The following SLC17A4 variants were observed in gnomAD, a reference collection of about 807,000 sequenced individuals.
The protein encoded by SLC17A4 is probable small intestine urate exporter.
A neutral mutation model predicts 52.5 loss-of-function variants in SLC17A4; 33 were observed. The ratio of observed to expected loss-of-function variants is 0.63; its 90% confidence interval spans 0.48 to 0.84. SLC17A4 has a LOEUF of 0.84. SLC17A4 is among the 40% of genes least tolerant of loss of function. SLC17A4 has a pLI of 0.00. For missense variants in SLC17A4, 585 were observed against 597.1 expected (o/e 0.98, Z 0.21); for synonymous variants, 225 against 216.2 (o/e 1.04, Z -0.36).
chr6:25,755,887 C>T (rs1468966617), intron 1 of SLC17A4, among the ~76,000 whole-genome samples: 4 of 152,166 alleles, frequency 2.6e-5, no homozygotes, highest in Non-Finnish European at 5.9e-5. Context: ...TTGCTCAAGC[C>T]GTAAGTCTAG....
Position 25,780,823 on chromosome 6 carries a change from G to A in SLC17A4, c.*1635G>A, listed in dbSNP as rs900557504. The A allele has an allele frequency of 2.0e-5, 3 of 152,128 alleles. No homozygotes were observed. The highest frequency in any genetic ancestry group is 4.4e-5 in the Non-Finnish European group (3 of 68,034). 9.4% of individuals were successfully genotyped at this position (152,128 alleles called of 1,614,324 possible). On this transcript the variant is annotated 3_prime_UTR_variant, in exon 12 of 12. Coordinates refer to ENST00000377905, the MANE Select transcript of SLC17A4 (RefSeq NM_005495.3). ...ATTTAGGTGGATTATTTGATTTAGG[G>A]AATAAACCTGACGGGTCCTATTACT...
chr6:25,777,264 A>C, intron 10 of SLC17A4: 1 of 311,402 alleles, frequency 3.2e-6, no homozygotes, highest in Non-Finnish European at 5.9e-6. Context: ...GAATCACTGA[A>C]AGAAATCTTG....
At chr6:25,767,808 G>A (rs902653265) in intron 2 of SLC17A4, among the ~76,000 whole-genome samples, 6 of 151,910 alleles carry the variant, frequency 3.9e-5, no homozygotes, top group African/African-American at 1.5e-4. Flanking sequence ...TGTTGCAAAC[G>A]GTAAACATAA....
At chr6:25,777,613 C>A in intron 10 of SLC17A4, 1 of 226,472 alleles carries the variant, frequency 4.4e-6, no homozygotes, top group Admixed American at 5.5e-5. Context: ...CAACAAAAAC[C>A]TTACAAACCA....
In SLC17A4 at chr6:25,770,297, C is replaced by A. The variant is rs755671020; in HGVS notation, c.528C>A (p.Ala176=). Reference sequence around the variant, plus strand: ...TCCTCCGGATTGTACAAGGCATAGCCCAGGTACCAAGATGTTTTCCAGGTA... The same window carrying A: ...TCCTCCGGATTGTACAAGGCATAGCACAGGTACCAAGATGTTTTCCAGGTA... The part of the protein sequence containing the change: ...LIVLRIVQGI[A]QVMVLTGQYS... The change falls in exon 4 of 12, where the codon GCC becomes GCA. Residue 176 remains alanine, a synonymous_variant. Coordinates refer to ENST00000377905, the MANE Select transcript of SLC17A4 (RefSeq NM_005495.3). 23 of 1,613,910 alleles carry A rather than the reference C, an allele frequency of 1.4e-5. No homozygotes were observed. Among genetic ancestry groups the A allele is most frequent in the South Asian group, 8.8e-5 (8 of 91,066 alleles).
Position 25,779,218 on chromosome 6 carries a change from G to C in SLC17A4, c.*30G>C. On this transcript the variant is annotated 3_prime_UTR_variant, in exon 12 of 12. Coordinates refer to ENST00000377905, the MANE Select transcript of SLC17A4 (RefSeq NM_005495.3). ...ACCGAGAGATGTGCTAGATCCTGGTGCTTAGTTCATCATTGTTTTCCCTCA... is the reference window on the plus strand; with the variant it reads ...ACCGAGAGATGTGCTAGATCCTGGTCCTTAGTTCATCATTGTTTTCCCTCA... The C allele has an allele frequency of 6.2e-7, 1 of 1,610,732 alleles. No individual in the cohort carries two copies. The highest frequency in any genetic ancestry group is 8.5e-7 in the Non-Finnish European group (1 of 1,178,218).
chr6:25,765,618 C>T (rs981014794), intron 2 of SLC17A4, among the ~76,000 whole-genome samples: 4 of 151,746 alleles, frequency 2.6e-5, no homozygotes, highest in Non-Finnish European at 5.9e-5. Context: ...TGGAAGAAGT[C>T]CCAATATAGA....
At chr6:25,755,601 T>C (rs1760946614) in intron 1 of SLC17A4, among the ~76,000 whole-genome samples, 1 of 152,180 alleles carries the variant, frequency 6.6e-6, no homozygotes, top group South Asian at 2.1e-4. Context: ...GATATAAGAA[T>C]GGCTGGCTCC....
chr6:25,759,457 T>C (rs1449855033), intron 1 of SLC17A4, among the ~76,000 whole-genome samples: 1 of 152,222 alleles, frequency 6.6e-6, no homozygotes, highest in Non-Finnish European at 1.5e-5. Flanking sequence ...CTAGTAGTAA[T>C]TGTTTTATAA....
chr6:25,759,995 C>T (rs1761393889), intron 1 of SLC17A4, among the ~76,000 whole-genome samples: 2 of 152,172 alleles, frequency 1.3e-5, no homozygotes, highest in South Asian at 2.1e-4. Context: ...TTCTGTGTGG[C>T]TGTGCTTATT....
At position 25,769,256 on chromosome 6, in the gene SLC17A4, G is replaced by A. The variant is rs531270402; in HGVS notation, c.297+66G>A. The A allele has an allele frequency of 5.2e-4, 743 of 1,416,750 alleles. 7 individuals carry two copies. The South Asian group carries it at 8.7e-3, about 17-fold the overall frequency. The allele number at this position is 1,416,750 out of a possible 1,614,324, so 87.8% of individuals were successfully genotyped here. A position where few individuals can be genotyped will look rare whatever the true frequency, so the allele number is the denominator to read the frequency against. ...TAATTTGACTTAAAGAGTTATAAAA[G>A]AGTGAGATTCATTTAACCACTAAGT... On this transcript the variant is annotated intron_variant, in intron 3 of 11. Coordinates refer to ENST00000377905, the MANE Select transcript of SLC17A4 (RefSeq NM_005495.3).
In SLC17A4 at chr6:25,776,554, T is replaced by C. The variant is rs548846702; in HGVS notation, c.988-41T>C. 13 of 1,551,762 alleles carry C rather than the reference T, an allele frequency of 8.4e-6. No homozygotes were observed. In the East Asian group the frequency reaches 2.9e-4, roughly 35 times the overall value. On this transcript the variant is annotated intron_variant, in intron 8 of 11. Coordinates refer to ENST00000377905, the MANE Select transcript of SLC17A4 (RefSeq NM_005495.3). Reference sequence around the variant, plus strand: ...AAGGTTGTCTGTGTCGTGGTGGGGGTGGTAAGGGCACATGCACCTGACCTA... The same window carrying C: ...AAGGTTGTCTGTGTCGTGGTGGGGGCGGTAAGGGCACATGCACCTGACCTA...
intron 6 of SLC17A4, among the ~76,000 whole-genome samples, chr6:25,772,528 C>T (rs751343285): frequency 7.6e-4 from 115 of 152,188 alleles, no homozygotes; most frequent in Non-Finnish European, 1.3e-3. Context: ...TGAAGATGGG[C>T]CATATTTCCA....
Position 25,770,979 on chromosome 6 carries a change from A to C in SLC17A4, c.673A>C (p.Thr225Pro). The C allele has an allele frequency of 1.9e-6, 3 of 1,613,848 alleles. No homozygotes were observed. The highest frequency in any genetic ancestry group is 2.5e-6 in the Non-Finnish European group (3 of 1,179,802). Residue 225 changes from threonine to proline, a missense_variant, in exon 6 of 12, where the codon ACC becomes CCC. Coordinates refer to ENST00000377905, the MANE Select transcript of SLC17A4 (RefSeq NM_005495.3). Reference protein sequence around the residue: ...VLLAGGLLCQTIGWPYVFYIF... With the variant: ...VLLAGGLLCQPIGWPYVFYIF... The stretch of plus-strand genomic sequence containing the variant: ...ACTTGCTGGTGGTCTCCTCTGCCAG[A>C]CCATAGGATGGCCTTACGTCTTCTA...
chr6:25,772,742 A>G (rs571699301), intron 6 of SLC17A4, among the ~76,000 whole-genome samples: 1 of 152,236 alleles, frequency 6.6e-6, no homozygotes, highest in Non-Finnish European at 1.5e-5. Flanking sequence ...TCTGCAAAGC[A>G]TGACTAGCAG....
intron 6 of SLC17A4, among the ~76,000 whole-genome samples, chr6:25,771,393 G>A (rs913407214): frequency 6.6e-6 from 1 of 151,960 alleles, no homozygotes; most frequent in Non-Finnish European, 1.5e-5. Flanking sequence ...GGCCAACATG[G>A]TTAAACCCCG....
chr6:25,774,524 G>A (rs928058495), intron 8 of SLC17A4, among the ~76,000 whole-genome samples: 8 of 152,190 alleles, frequency 5.3e-5, no homozygotes, highest in Non-Finnish European at 1.2e-4. Flanking sequence ...AGATTAGAAA[G>A]CCCCAGGAGG....
In SLC17A4 at chr6:25,765,795, G is replaced by T. The variant is rs1761958991; in HGVS notation, c.92-3190G>T. On this transcript the variant is annotated intron_variant, in intron 2 of 11. Transcript: ENST00000377905. ...AATTCACTGAGCCTACAACTTCAAA[G>T]AAATTACATAGAAAAATGAAACAGA... Among the ~76,000 whole-genome samples, 3 of 152,070 alleles carry T rather than the reference G, an allele frequency of 2.0e-5. 1 individual carries two copies. The South Asian group carries it at 6.2e-4, about 32-fold the overall frequency.
rs1408928889 is a variant in SLC17A4 at position 25,773,315 on chromosome 6, C to A, written c.747C>A (p.Leu249=). Residue 249 remains leucine, a synonymous_variant, in exon 7 of 12, where the codon CTC becomes CTA. Coordinates refer to ENST00000377905, the MANE Select transcript of SLC17A4 (RefSeq NM_005495.3). ...CTTGTTGTCCTCTCTGGTTTCCTCT[C>A]ATTTATGATGATCCTGTGAATCATC... is the stretch of plus-strand genomic sequence containing the variant. ...GCACCPLWFP[L]IYDDPVNHPF... is the part of the protein sequence containing the mutation. The A allele has an allele frequency of 6.2e-7, 1 of 1,613,936 alleles. No homozygotes were observed. Among genetic ancestry groups the A allele is most frequent in the South Asian group, 1.1e-5 (1 of 91,068 alleles).
Sources: allele counts gnomAD v4.1 joint callset (sites outside exome capture counted in the v4.1 genomes callset), GRCh38; gene constraint gnomAD v4.1.1; transcripts MANE v1.5; gene names NCBI Gene and HGNC (gene_info 2026-07-23, HGNC 2026-07-21).